Variants in EFCAB11 observed in about 807,000 individuals in gnomAD.
The protein encoded by EFCAB11 is EF-hand calcium binding domain 11.
EFCAB11 carries 14 observed loss-of-function variants against 23.0 expected under a neutral mutation model. That is an observed-to-expected ratio of 0.61 (90% CI 0.40 to 0.95). The LOEUF is 0.95. EFCAB11 is among the 40% of genes least tolerant of loss of function. EFCAB11 has a pLI of 0.00. For synonymous variants in EFCAB11, 65 were observed against 66.6 expected, an observed-to-expected ratio of 0.98 and a Z score of 0.11; for missense variants, 198 against 195.8, an observed-to-expected ratio of 1.01 and a Z score of -0.07.
chr14:89,946,163 GT>G (rs1165369567), intron 3 of EFCAB11, among the ~76,000 whole-genome samples: 1 of 151,910 alleles, frequency 6.6e-6, no homozygotes, highest in African/African-American at 2.4e-5. Context: ...ATTCGTCTGC[GT>G]TGGCCTCTCA....
chr14:89,915,810 ATAC>A (rs1245986202), intron 5 of EFCAB11, among the ~76,000 whole-genome samples: 2 of 152,258 alleles, frequency 1.3e-5, no homozygotes, highest in Non-Finnish European at 2.9e-5. Flanking sequence ...ATGGTATCAA[ATAC>A]TATGCTAGCC....
At chr14:89,906,645 A>T (rs1471941899) in intron 5 of EFCAB11, among the ~76,000 whole-genome samples, 1 of 152,218 alleles carries the variant, frequency 6.6e-6, no homozygotes, top group Non-Finnish European at 1.5e-5. Flanking sequence ...ACATGCTAAA[A>T]ATCCCTTTGA....
Position 89,824,410 on chromosome 14 carries a change from T to C in EFCAB11, c.411-27086A>G, listed in dbSNP as rs142521224. Among the ~76,000 whole-genome samples the C allele has an allele frequency of 1.3e-3, 201 of 151,120 alleles. 1 individual carries two copies. Among genetic ancestry groups the C allele is most frequent in the African/African-American group, 4.5e-3 (185 of 41,162 alleles). On this transcript the variant is annotated intron_variant, in intron 5 of 5. Transcript: ENST00000316738. ...TAGGCTTATGGAAAATAATACGAAA[T>C]GGAAAACTGGATCTACAAAAGGGAA... is the stretch of plus-strand genomic sequence containing the variant.
chr14:89,804,912 A>C (rs1263419876), intron 5 of EFCAB11, among the ~76,000 whole-genome samples: 3 of 152,218 alleles, frequency 2.0e-5, no homozygotes, highest in Non-Finnish European at 4.4e-5. Flanking sequence ...GTCCATTAAT[A>C]GTAAATAGTA....
intron 5 of EFCAB11, among the ~76,000 whole-genome samples, chr14:89,819,261 T>G (rs1886429946): frequency 6.6e-6 from 1 of 152,114 alleles, no homozygotes; most frequent in African/African-American, 2.4e-5. Flanking sequence ...CAAGTACATA[T>G]TATATGATTC....
chr14:89,924,233 C>T lies in EFCAB11; in HGVS notation c.410+7308G>A, dbSNP rs914666133. On this transcript the variant is annotated intron_variant, in intron 5 of 5. Coordinates refer to ENST00000316738, the MANE Select transcript of EFCAB11 (RefSeq NM_145231.4). ...GAGTTAGATGTCCTATGTCCTTTGA[C>T]CTTCCCTTGTGTAATATGAAGAAAG... 8 of 990,360 alleles carry T rather than the reference C, an allele frequency of 8.1e-6. No individual in the cohort carries two copies. The African/African-American group carries it at 1.4e-4, about 17-fold the overall frequency. 61.3% of individuals were successfully genotyped at this position (990,360 alleles called of 1,614,324 possible).
chr14:89,941,254 C>T lies in EFCAB11; in HGVS notation c.218-8627G>A, dbSNP rs534197773. The stretch of plus-strand genomic sequence containing the variant: ...TATTTGTTCTGGATGCTAGGTAGTC[C>T]AGAACCAAATTTGAAATTAATGCCT... On this transcript the variant is annotated intron_variant, in intron 3 of 5. Coordinates refer to ENST00000316738, the MANE Select transcript of EFCAB11 (RefSeq NM_145231.4). Among the ~76,000 whole-genome samples the T allele has an allele frequency of 9.9e-5, 15 of 152,228 alleles. No individual in the cohort carries two copies. The East Asian group carries it at 2.7e-3, about 27-fold the overall frequency.
At chr14:89,848,654 C>T (rs1341139467) in intron 5 of EFCAB11, 1 of 152,298 alleles carries the variant, frequency 6.6e-6, no homozygotes, top group Non-Finnish European at 1.5e-5. Flanking sequence ...AGTCCGGGCA[C>T]AGTGGCTCAT....
In EFCAB11 at chr14:89,877,044, G is replaced by GT. The variant is rs148793164; in HGVS notation, c.410+54496dup. ...CTACTCCCAGAGTAGATGACCAAAA[G>GT]TTTTTTTTTTTTTGAGATGGAGTTT... On this transcript the variant is annotated intron_variant, in intron 5 of 5. Coordinates refer to ENST00000316738, the MANE Select transcript of EFCAB11 (RefSeq NM_145231.4). Among the ~76,000 whole-genome samples the GT allele has an allele frequency of 7.1e-3, 1,037 of 146,318 alleles. 7 individuals carry two copies. The highest frequency in any genetic ancestry group is 0.016 in the African/African-American group (627 of 39,978).
At chr14:89,937,866 T>A (rs1027291555) in intron 3 of EFCAB11, 1 of 152,284 alleles carries the variant, frequency 6.6e-6, no homozygotes, top group East Asian at 1.9e-4. Flanking sequence ...TTAATACATG[T>A]ATATATATCT....
chr14:89,913,616 C>T lies in EFCAB11; in HGVS notation c.410+17925G>A, dbSNP rs117763046. Among the ~76,000 whole-genome samples, 427 of 152,166 alleles carry T rather than the reference C, an allele frequency of 2.8e-3. 1 individual carries two copies. The highest frequency in any genetic ancestry group is 5.0e-3 in the South Asian group (24 of 4,822). ...GTGCTATTCCTAAAAAATATATATA[C>T]CTTATACAGTTGTATTTTAAAATTC... On this transcript the variant is annotated intron_variant, in intron 5 of 5. Coordinates refer to ENST00000316738, the MANE Select transcript of EFCAB11 (RefSeq NM_145231.4).
Position 89,875,825 on chromosome 14 carries a change from A to C in EFCAB11, c.410+55716T>G, listed in dbSNP as rs552775429. Among the ~76,000 whole-genome samples, 3 of 152,292 alleles carry C rather than the reference A, an allele frequency of 2.0e-5. No individual in the cohort carries two copies. The South Asian group carries it at 6.2e-4, about 32-fold the overall frequency. Reference sequence around the variant, plus strand: ...TGTGGGAGTGGAGCCTGTGAGTGAAATATCCCAGAGAAGTATACTGGTAAG... The same window carrying C: ...TGTGGGAGTGGAGCCTGTGAGTGAACTATCCCAGAGAAGTATACTGGTAAG... On this transcript the variant is annotated intron_variant, in intron 5 of 5. Transcript: ENST00000316738.
At chr14:89,943,432 G>A (rs1418710072) in intron 3 of EFCAB11, among the ~76,000 whole-genome samples, 1 of 151,638 alleles carries the variant, frequency 6.6e-6, no homozygotes, top group Non-Finnish European at 1.5e-5. Flanking sequence ...TGTAGAGATG[G>A]GGTTTCGCCA....
At chr14:89,870,917 T>A (rs529187522) in intron 5 of EFCAB11, among the ~76,000 whole-genome samples, 1 of 152,114 alleles carries the variant, frequency 6.6e-6, no homozygotes, top group East Asian at 1.9e-4. Context: ...TGCAGCATGG[T>A]CAACAGAGTG....
At chr14:89,869,954 C>G (rs912971558) in intron 5 of EFCAB11, among the ~76,000 whole-genome samples, 3 of 152,210 alleles carry the variant, frequency 2.0e-5, no homozygotes, top group African/African-American at 7.2e-5. Context: ...ACAAAAAGCA[C>G]AGGATTCTCC....
At chr14:89,919,196 GAGAGAGAC>G (rs1889944163) in intron 5 of EFCAB11, among the ~76,000 whole-genome samples, 1 of 127,820 alleles carries the variant, frequency 7.8e-6, no homozygotes, top group African/African-American at 4.4e-5. Context: ...GAGAGAGAGA[GAGAGAGAC>G]AGAGAGAGAG....
At chr14:89,831,476 C>T (rs1049384101) in intron 5 of EFCAB11, among the ~76,000 whole-genome samples, 1 of 152,194 alleles carries the variant, frequency 6.6e-6, no homozygotes, top group Non-Finnish European at 1.5e-5. Context: ...TGTGATATCA[C>T]TACAATAATA....
intron 5 of EFCAB11, chr14:89,923,985 A>G: frequency 1.0e-6 from 1 of 965,084 alleles, no homozygotes; most frequent in Non-Finnish European, 1.2e-6. Flanking sequence ...TCAGCATAAC[A>G]GAAGAGCCTA....
At chr14:89,924,334 A>G (rs1234805385) in intron 5 of EFCAB11, 1 of 1,094,842 alleles carries the variant, frequency 9.1e-7, no homozygotes, top group Admixed American at 5.0e-5. Context: ...GTGCCTCGAT[A>G]TTGCCACTTT....
Sources: gnomAD v4.1 joint callset for allele counts (sites outside exome capture counted in the v4.1 genomes callset) on GRCh38, gnomAD v4.1.1 for gene constraint, MANE v1.5 for transcripts, NCBI Gene and HGNC (gene_info 2026-07-23, HGNC 2026-07-21) for gene names.